Variants in PSD3 observed in about 807,000 individuals in gnomAD.
The protein encoded by PSD3 is pleckstrin and Sec7 domain containing 3.
PSD3 carries 49 observed loss-of-function variants against 105.5 expected under a neutral mutation model. That is an observed-to-expected ratio of 0.46 (90% CI 0.37 to 0.59). PSD3 has a LOEUF of 0.59. Among genes scored for constraint, PSD3 ranks in the 20% least tolerant of loss-of-function variants. PSD3 has a pLI of 0.00. For missense variants in PSD3, 1,561 were observed against 1,263.8 expected (o/e 1.24, Z -3.57); for synonymous variants, 557 against 457.8 (o/e 1.22, Z -2.77).
At chr8:18,763,262 T>G (rs1056067495) in intron 9 of PSD3, among the ~76,000 whole-genome samples, 1 of 152,210 alleles carries the variant, frequency 6.6e-6, no homozygotes, top group Admixed American at 6.5e-5. Context: ...TTTCTATATA[T>G]GATTATGAGG....
chr8:18,846,744 C>G (rs184504177), intron 4 of PSD3, among the ~76,000 whole-genome samples: 203 of 152,284 alleles, frequency 1.3e-3, no homozygotes, highest in African/African-American at 4.8e-3. Context: ...ACCGACTGGT[C>G]TCAACTCCCT....
At chr8:18,749,984 A>G (rs1337297733) in intron 9 of PSD3, among the ~76,000 whole-genome samples, 1 of 152,210 alleles carries the variant, frequency 6.6e-6, no homozygotes, top group Admixed American at 6.5e-5. Context: ...TTGGAAATGG[A>G]AAAACCAGAA....
At chr8:18,838,398 T>C (rs1814312067) in intron 4 of PSD3, among the ~76,000 whole-genome samples, 1 of 152,226 alleles carries the variant, frequency 6.6e-6, no homozygotes, top group Non-Finnish European at 1.5e-5. Context: ...AAAGCATTTC[T>C]GCGCTTCATA....
In PSD3 at chr8:19,074,592, C is replaced by CAT. The variant is rs1240382273; in HGVS notation, c.324+9612_324+9613dup. ...TATAATTTTACAACTCAGATATATA[C>CAT]ATATATATATATATATATATTTTTT... On this transcript the variant is annotated intron_variant, in intron 1 of 1. Transcript: ENST00000521475. Among the ~76,000 whole-genome samples the CAT allele has an allele frequency of 6.4e-3, 424 of 65,954 alleles. 7 individuals are homozygous for CAT. The highest frequency in any genetic ancestry group is 0.026 in the East Asian group (47 of 1,810). The allele number at this position is 65,954 out of a possible 152,430, so 43.3% of individuals were successfully genotyped here.
rs564367891 is a variant in PSD3, at chr8:18,657,122, T to A, written c.2173-1437A>T. Among the ~76,000 whole-genome samples, 3 of 152,314 alleles carry A rather than the reference T, an allele frequency of 2.0e-5. No homozygotes were observed. In the South Asian group the frequency reaches 6.2e-4, roughly 32 times the overall value. ...GGATCACATGTCATCTAACCTCTTG[T>A]CTTTCAAACAAGAAAAGGCAGGTTC... is the stretch of plus-strand genomic sequence containing the variant. On this transcript the variant is annotated intron_variant, in intron 9 of 15. Coordinates refer to ENST00000327040, the MANE Select transcript of PSD3 (RefSeq NM_015310.4).
intron 11 of PSD3, among the ~76,000 whole-genome samples, chr8:18,625,842 C>A (rs142335831): frequency 6.6e-6 from 1 of 152,240 alleles, no homozygotes; most frequent in African/African-American, 2.4e-5. Flanking sequence ...GCATGAAATG[C>A]TTAGGATAAA....
At chr8:18,668,101 C>T (rs1382759652) in intron 9 of PSD3, among the ~76,000 whole-genome samples, 1 of 152,220 alleles carries the variant, frequency 6.6e-6, no homozygotes, top group East Asian at 1.9e-4. Flanking sequence ...GAGCCGGCTC[C>T]GGCCTCGGTC....
intron 14 of PSD3, among the ~76,000 whole-genome samples, chr8:18,563,505 G>T (rs1455106060): frequency 6.6e-6 from 1 of 151,946 alleles, no homozygotes; most frequent in East Asian, 1.9e-4. Context: ...AAAACGAAGT[G>T]GTACAGAATT....
chr8:18,908,234 G>A (rs1000869757), intron 2 of PSD3, among the ~76,000 whole-genome samples: 3 of 152,140 alleles, frequency 2.0e-5, no homozygotes, highest in African/African-American at 7.2e-5. Flanking sequence ...AGGCCCCCCA[G>A]AAAGAGGGCA....
intron 1 of PSD3, among the ~76,000 whole-genome samples, chr8:19,062,806 T>C (rs938078584): frequency 6.6e-6 from 1 of 152,220 alleles, no homozygotes; most frequent in Admixed American, 6.5e-5. Context: ...TCATGTAAGA[T>C]GTTACTACAG....
chr8:18,536,601 G>A (rs914559619), intron 15 of PSD3, among the ~76,000 whole-genome samples: 5 of 152,160 alleles, frequency 3.3e-5, no homozygotes, highest in African/African-American at 1.2e-4. Flanking sequence ...TATGAAGCTG[G>A]CAGAATTTCA....
At position 18,530,665 on chromosome 8, in the gene PSD3, A is replaced by G. The variant is rs934697881; in HGVS notation, c.*5078T>C. The G allele has an allele frequency of 6.6e-6, 1 of 151,706 alleles. No individual in the cohort carries two copies. The highest frequency in any genetic ancestry group is 1.5e-5 in the Non-Finnish European group (1 of 67,924). The allele number at this position is 151,706 out of a possible 1,614,324, so 9.4% of individuals were successfully genotyped here. Reference sequence around the variant, plus strand: ...TTTAAGTGCTCTTAATACTAAAGTTACTAAGACTGCACAGGCTGCCTTTTT... The same window carrying G: ...TTTAAGTGCTCTTAATACTAAAGTTGCTAAGACTGCACAGGCTGCCTTTTT... On this transcript the variant is annotated 3_prime_UTR_variant, in exon 16 of 16. Transcript: ENST00000327040.
chr8:18,542,160 C>T (rs542150223), intron 15 of PSD3, among the ~76,000 whole-genome samples: 8 of 152,264 alleles, frequency 5.3e-5, no homozygotes, highest in African/African-American at 1.7e-4. Flanking sequence ...CCAGTGAGTC[C>T]TCATTTGGAT....
At chr8:18,837,230 C>T (rs570706704) in intron 4 of PSD3, among the ~76,000 whole-genome samples, 3 of 152,234 alleles carry the variant, frequency 2.0e-5, no homozygotes, top group South Asian at 2.1e-4. Context: ...GAATGTGAGA[C>T]GCTCTTGAAC....
intron 9 of PSD3, among the ~76,000 whole-genome samples, chr8:18,761,045 G>C (rs1262302469): frequency 3.3e-5 from 5 of 152,158 alleles, no homozygotes; most frequent in African/African-American, 1.2e-4. Context: ...TCCAGGACCA[G>C]TTCAAGAGCC....
intron 9 of PSD3, among the ~76,000 whole-genome samples, chr8:18,657,486 A>G (rs1808987948): frequency 6.6e-6 from 1 of 152,212 alleles, no homozygotes; most frequent in South Asian, 2.1e-4. Context: ...CATGATAGGT[A>G]TTCTCAAACA....
At chr8:18,973,711 A>G (rs1187774548) in intron 1 of PSD3, among the ~76,000 whole-genome samples, 5 of 152,182 alleles carry the variant, frequency 3.3e-5, no homozygotes, top group Non-Finnish European at 5.9e-5. Flanking sequence ...AAGGATACCA[A>G]TTGGATCTCT....
At chr8:18,638,040 C>T (rs1293491424) in intron 10 of PSD3, among the ~76,000 whole-genome samples, 1 of 151,682 alleles carries the variant, frequency 6.6e-6, no homozygotes, top group Non-Finnish European at 1.5e-5. Context: ...CCTGTAATCC[C>T]AGCTACTTGG....
At chr8:18,828,067 A>ATATATATATATTT (rs371473289) in intron 4 of PSD3, among the ~76,000 whole-genome samples, 93 of 118,866 alleles carry the variant, frequency 7.8e-4, no homozygotes, top group African/African-American at 3.1e-3. Context: ...ATATATATAT[A>ATATATATATATTT]TTTTTTTTTT....
Sources: allele counts gnomAD v4.1 joint callset (sites outside exome capture counted in the v4.1 genomes callset), GRCh38; gene constraint gnomAD v4.1.1; transcripts MANE v1.5; gene names NCBI Gene and HGNC (gene_info 2026-07-23, HGNC 2026-07-21).